The following CYP19A1 variants were observed in gnomAD, a reference collection of about 807,000 sequenced individuals.
CYP19A1 encodes cytochrome P450 family 19 subfamily A member 1.
Under a neutral mutation model 44.4 loss-of-function variants are expected in CYP19A1, and 32 were observed. The ratio of observed to expected loss-of-function variants is 0.72; its 90% CI spans 0.54 to 0.97. The LOEUF (loss-of-function observed/expected upper bound fraction) is 0.97, where lower values mean the gene tolerates loss of function less well. CYP19A1 is among the 50% of genes least tolerant of loss of function. The probability of loss-of-function intolerance (pLI) is 0.00; values close to 1 mark genes in which losing one functional copy is unlikely to be tolerated. For missense variants in CYP19A1, 598 were observed against 637.8 expected (o/e 0.94, Z 0.67); for synonymous variants, 212 against 215.6 (o/e 0.98, Z 0.14).
chr15:51,262,968 T>C (rs899301390), intron 1 of CYP19A1, among the ~76,000 whole-genome samples: 2 of 152,196 alleles, frequency 1.3e-5, no homozygotes, highest in Non-Finnish European at 2.9e-5. Context: ...TAATTTCAGT[T>C]CTGTAATGGA....
chr15:51,325,117 G>A (rs1490165433), intron 1 of CYP19A1, among the ~76,000 whole-genome samples: 1 of 152,124 alleles, frequency 6.6e-6, no homozygotes, highest in Non-Finnish European at 1.5e-5. Context: ...TGCTTGGGAG[G>A]CCAGAAGATT....
chr15:51,245,227 AAC>A (rs746316386), intron 1 of CYP19A1, among the ~76,000 whole-genome samples: 8 of 152,374 alleles, frequency 5.3e-5, no homozygotes, highest in South Asian at 4.1e-4. Flanking sequence ...TAAAATGTTT[AAC>A]AGAGTTAAGA....
intron 3 of CYP19A1, among the ~76,000 whole-genome samples, chr15:51,234,078 G>GAA (rs889196454): frequency 6.7e-6 from 1 of 149,278 alleles, no homozygotes; most frequent in Non-Finnish European, 1.5e-5. Context: ...CTTTTCAAAA[G>GAA]AAAAAAAAAA....
At chr15:51,286,641 C>G (rs1003040770) in intron 1 of CYP19A1, among the ~76,000 whole-genome samples, 2 of 152,120 alleles carry the variant, frequency 1.3e-5, no homozygotes, top group South Asian at 4.1e-4. Context: ...AAACGAAGAC[C>G]CTTCCACCAT....
chr15:51,268,308 T>G (rs1335057110), intron 1 of CYP19A1, among the ~76,000 whole-genome samples: 1 of 152,252 alleles, frequency 6.6e-6, no homozygotes, highest in African/African-American at 2.4e-5. Context: ...TCATTATTGA[T>G]CAGTTCGTGC....
At chr15:51,301,423 C>T (rs181657869) in intron 1 of CYP19A1, among the ~76,000 whole-genome samples, 1 of 152,216 alleles carries the variant, frequency 6.6e-6, no homozygotes, top group Non-Finnish European at 1.5e-5. Context: ...ATTTGGGATG[C>T]CGGGGCTACA....
At chr15:51,240,758 T>TTAGGATCATCAA (rs1458288099) in intron 2 of CYP19A1, among the ~76,000 whole-genome samples, 3 of 152,226 alleles carry the variant, frequency 2.0e-5, no homozygotes, top group Non-Finnish European at 4.4e-5. Context: ...CTTTAGGACT[T>TTAGGATCATCAA]CCTGGTGGTC....
At chr15:51,295,886 T>A (rs2035985217) in intron 1 of CYP19A1, among the ~76,000 whole-genome samples, 1 of 151,916 alleles carries the variant, frequency 6.6e-6, no homozygotes, top group Admixed American at 6.5e-5. Flanking sequence ...AGTGACACAG[T>A]CAAATGTGGC....
In CYP19A1 at chr15:51,334,098, G is replaced by T. The variant is rs140589760; in HGVS notation, c.-39+4397C>A. ...TTCTAGCATTCAGTGTCTGCTCCAG[G>T]TTTGTTTTTAAGCCTTGGAGCCAAG... On this transcript the variant is annotated intron_variant, in intron 1 of 9. Coordinates refer to ENST00000396402, the MANE Select transcript of CYP19A1 (RefSeq NM_000103.4). Among the ~76,000 whole-genome samples, 29 of 152,248 alleles carry T rather than the reference G, an allele frequency of 1.9e-4. No homozygotes were observed. In the East Asian group the frequency reaches 3.3e-3, roughly 17 times the overall value.
intron 4 of CYP19A1, among the ~76,000 whole-genome samples, chr15:51,226,696 G>A (rs1214493553): frequency 6.6e-6 from 1 of 152,168 alleles, no homozygotes; most frequent in Non-Finnish European, 1.5e-5. Context: ...AAGGTTTCCA[G>A]GGTATGATTA....
intron 1 of CYP19A1, among the ~76,000 whole-genome samples, chr15:51,288,583 A>G (rs1902582): frequency 0.16 from 24,061 of 152,136 alleles, 3,729 homozygotes; most frequent in African/African-American, 0.39. Flanking sequence ...CCCACTACAG[A>G]GAAACTCTCC....
chr15:51,239,138 T>C (rs544089340), intron 2 of CYP19A1, among the ~76,000 whole-genome samples: 1 of 152,298 alleles, frequency 6.6e-6, no homozygotes, highest in South Asian at 2.1e-4. Flanking sequence ...GCTTCTCAGA[T>C]TTGGGAATGC....
At chr15:51,217,295 T>C (rs1430037079) in intron 6 of CYP19A1, among the ~76,000 whole-genome samples, 6 of 152,148 alleles carry the variant, frequency 3.9e-5, no homozygotes, top group African/African-American at 1.4e-4. Flanking sequence ...ACTCATACAA[T>C]AAATTTCTGT....
chr15:51,283,171 C>G (rs1480855675), intron 1 of CYP19A1, among the ~76,000 whole-genome samples: 1 of 152,068 alleles, frequency 6.6e-6, no homozygotes, highest in Admixed American at 6.6e-5. Context: ...GAACTAATTT[C>G]AGATTCTGAA....
At chr15:51,229,756 G>A (rs1320776137) in intron 3 of CYP19A1, among the ~76,000 whole-genome samples, 3 of 152,044 alleles carry the variant, frequency 2.0e-5, no homozygotes, top group African/African-American at 7.3e-5. Flanking sequence ...CAGAAATTAA[G>A]TAATTTATAT....
intron 1 of CYP19A1, among the ~76,000 whole-genome samples, chr15:51,280,235 A>G (rs1173978757): frequency 3.3e-5 from 5 of 149,414 alleles, no homozygotes; most frequent in South Asian, 4.2e-4. Context: ...AGCTGGGACT[A>G]CAGGCGCCCG....
intron 1 of CYP19A1, among the ~76,000 whole-genome samples, chr15:51,269,491 T>G (rs549918880): frequency 1.3e-5 from 2 of 152,184 alleles, no homozygotes; most frequent in East Asian, 1.9e-4. Flanking sequence ...TTGGTTCTTT[T>G]TTTTTTAAAT....
At chr15:51,286,553 C>T (rs2035704737) in intron 1 of CYP19A1, among the ~76,000 whole-genome samples, 1 of 152,116 alleles carries the variant, frequency 6.6e-6, no homozygotes, top group African/African-American at 2.4e-5. Flanking sequence ...CCAAGTGTGC[C>T]CTGACTACCA....
intron 1 of CYP19A1, among the ~76,000 whole-genome samples, chr15:51,316,736 A>G (rs2036433310): frequency 6.6e-6 from 1 of 151,972 alleles, no homozygotes; most frequent in African/African-American, 2.4e-5. Context: ...AAAGGAAGAA[A>G]GAAAAGAAAG....
Sources: gnomAD v4.1 joint callset for allele counts (sites outside exome capture counted in the v4.1 genomes callset) on GRCh38, gnomAD v4.1.1 for gene constraint, MANE v1.5 for transcripts, NCBI Gene and HGNC (gene_info 2026-07-23, HGNC 2026-07-21) for gene names.